Variants in VOPP1 observed in about 807,000 individuals in gnomAD.
The protein encoded by VOPP1 is WW domain binding protein VOPP1.
A neutral mutation model predicts 23.5 loss-of-function variants in VOPP1; 8 were observed. The ratio of observed to expected loss-of-function variants is 0.34; its 90% CI spans 0.20 to 0.61. The LOEUF (loss-of-function observed/expected upper bound fraction) is 0.61, where lower values mean the gene tolerates loss of function less well. Ranked by LOEUF, VOPP1 falls within the 20% of genes least tolerant of loss-of-function variation. VOPP1 has a pLI of 0.78. For missense variants in VOPP1, 174 were observed against 238.1 expected (o/e 0.73, Z 1.77); for synonymous variants, 83 against 97.3 (o/e 0.85, Z 0.86).
chr7:55,452,119 G>A (rs763726600), intron 4 of VOPP1, among the ~76,000 whole-genome samples: 6 of 152,182 alleles, frequency 3.9e-5, no homozygotes, highest in African/African-American at 4.8e-5. Flanking sequence ...CTAAGTTTAT[G>A]ATATATTCTG....
At chr7:55,541,124 T>G (rs1797115535) in intron 1 of VOPP1, among the ~76,000 whole-genome samples, 1 of 152,082 alleles carries the variant, frequency 6.6e-6, no homozygotes, top group African/African-American at 2.4e-5. Flanking sequence ...GGCAAAGGAG[T>G]GACTGCTAGT....
chr7:55,485,989 A>G (rs565424734), intron 4 of VOPP1, among the ~76,000 whole-genome samples: 1,791 of 152,370 alleles, frequency 0.012, 12 homozygotes, highest in Middle Eastern at 0.02. Context: ...GGGACCTGTC[A>G]GACCCAGAGC....
intron 1 of VOPP1, chr7:55,537,643 T>C (rs909690538): frequency 2.5e-5 from 38 of 1,521,850 alleles, no homozygotes; most frequent in Non-Finnish European, 3.3e-5. Context: ...AATAAAGCTC[T>C]GGCGCCCGCA....
intron 1 of VOPP1, among the ~76,000 whole-genome samples, chr7:55,548,262 C>A (rs1313033554): frequency 1.3e-5 from 2 of 152,220 alleles, no homozygotes; most frequent in African/African-American, 2.4e-5. Context: ...TAACCCCCAA[C>A]CCCTAAACAT....
chr7:55,521,237 T>C (rs541771198), intron 1 of VOPP1, 107 bp from the exon 2 acceptor site: 7 of 1,168,282 alleles, frequency 6.0e-6, no homozygotes, highest in South Asian at 4.3e-5. Context: ...GCTTAACCCA[T>C]GAAAAGCTGG....
At chr7:55,474,713 C>T (rs1027763096) in intron 4 of VOPP1, among the ~76,000 whole-genome samples, 1 of 152,284 alleles carries the variant, frequency 6.6e-6, no homozygotes, top group East Asian at 1.9e-4. Context: ...CTGGAGAGGG[C>T]GGAGGCAGCT....
chr7:55,477,274 C>G (rs1792330208), intron 4 of VOPP1, among the ~76,000 whole-genome samples: 2 of 152,220 alleles, frequency 1.3e-5, no homozygotes, highest in Admixed American at 6.5e-5. Context: ...GACAGAGCAT[C>G]ACTCACCCTG....
intron 1 of VOPP1, among the ~76,000 whole-genome samples, chr7:55,558,147 T>C (rs1397380760): frequency 6.6e-6 from 1 of 152,056 alleles, no homozygotes; most frequent in African/African-American, 2.4e-5. Flanking sequence ...GCCACAGAGG[T>C]CCTGCAGTTA....
chr7:55,488,218 A>C (rs1401200063), intron 4 of VOPP1, among the ~76,000 whole-genome samples: 2 of 152,150 alleles, frequency 1.3e-5, no homozygotes, highest in Non-Finnish European at 2.9e-5. Context: ...TTTTCTGCAC[A>C]CCGTTTCATT....
intron 4 of VOPP1, among the ~76,000 whole-genome samples, chr7:55,454,077 G>C (rs1433505138): frequency 6.6e-6 from 1 of 151,976 alleles, no homozygotes; most frequent in Non-Finnish European, 1.5e-5. Flanking sequence ...TGCATTTATG[G>C]GGTATATGTC....
At chr7:55,520,718 G>C (rs181759533) in intron 2 of VOPP1, among the ~76,000 whole-genome samples, 1 of 152,344 alleles carries the variant, frequency 6.6e-6, no homozygotes, top group Non-Finnish European at 1.5e-5. Context: ...TCCTGCTCAA[G>C]CTCATAAGTC....
At chr7:55,559,401 C>A (rs926811279) in intron 1 of VOPP1, among the ~76,000 whole-genome samples, 2 of 152,198 alleles carry the variant, frequency 1.3e-5, no homozygotes, top group African/African-American at 4.8e-5. Context: ...CAGCCGCTGA[C>A]CGTGCCATTG....
intron 2 of VOPP1, among the ~76,000 whole-genome samples, chr7:55,505,710 C>T (rs973670914): frequency 1.5e-4 from 21 of 139,792 alleles, no homozygotes; most frequent in African/African-American, 6.1e-4. Flanking sequence ...AGGGAAGGAA[C>T]TTGTACATAT....
At chr7:55,538,473 C>T in intron 1 of VOPP1, 1 of 634,160 alleles carries the variant, frequency 1.6e-6, no homozygotes, top group African/African-American at 1.8e-5. Context: ...AAACACAAGC[C>T]CTTCCTGCCA....
chr7:55,464,690 GGATA>G (rs1249741453), intron 4 of VOPP1, among the ~76,000 whole-genome samples: 16 of 152,208 alleles, frequency 1.1e-4, no homozygotes, highest in African/African-American at 3.6e-4. Context: ...GCAGCCTTCT[GGATA>G]GATGTCAGTC....
chr7:55,504,529 C>T (rs1794583151), intron 2 of VOPP1, among the ~76,000 whole-genome samples: 1 of 152,226 alleles, frequency 6.6e-6, no homozygotes, highest in African/African-American at 2.4e-5. Context: ...CTGTGCCTCA[C>T]CTGGATCAAG....
chr7:55,498,087 G>A (rs147126434), intron 2 of VOPP1, among the ~76,000 whole-genome samples: 105 of 152,328 alleles, frequency 6.9e-4, no homozygotes, highest in Non-Finnish European at 1.2e-3. Context: ...CCCCGACTAC[G>A]GGGAAAAGAT....
At chr7:55,436,090 G>A (rs1790815120) in exon 5 of VOPP1, 1 of 152,418 alleles carries the variant, frequency 6.6e-6, no homozygotes, top group African/African-American at 2.4e-5. Flanking sequence ...CCAAAGGAAA[G>A]TGGGGGTCAG....
chr7:55,442,202 T>C (rs1293285912), intron 4 of VOPP1, among the ~76,000 whole-genome samples: 10 of 152,150 alleles, frequency 6.6e-5, no homozygotes, highest in Admixed American at 5.2e-4. Context: ...TTGCCCAGGG[T>C]CACACAGCTA....
Sources: allele counts gnomAD v4.1 joint callset (sites outside exome capture counted in the v4.1 genomes callset), GRCh38; gene constraint gnomAD v4.1.1; transcripts MANE v1.5; gene names NCBI Gene and HGNC (gene_info 2026-07-23, HGNC 2026-07-21).